Variants in POU6F2 observed in about 807,000 individuals in gnomAD.
POU6F2 encodes POU class 6 homeobox 2.
A neutral mutation model predicts 71.3 loss-of-function variants in POU6F2; 31 were observed. The ratio of observed to expected loss-of-function variants is 0.43; its 90% CI spans 0.33 to 0.59. The LOEUF is 0.59. Ranked by LOEUF, POU6F2 falls within the 20% of genes least tolerant of loss-of-function variation. The pLI is 0.04. For missense variants in POU6F2, 783 were observed against 856.8 expected (o/e 0.91, Z 1.07); for synonymous variants, 347 against 355.7 (o/e 0.98, Z 0.27).
intron 2 of POU6F2, among the ~76,000 whole-genome samples, chr7:39,156,373 GTT>G (rs957704296): frequency 2.0e-5 from 3 of 152,038 alleles, no homozygotes; most frequent in African/African-American, 7.3e-5. Context: ...AATTTCACAT[GTT>G]TTTTTCCCTT....
intron 4 of POU6F2, among the ~76,000 whole-genome samples, chr7:39,279,187 G>C (rs138346772): frequency 1.3e-3 from 201 of 152,098 alleles, no homozygotes; most frequent in African/African-American, 4.4e-3. Flanking sequence ...CAGAACTTCT[G>C]ATCCCCACAA....
At chr7:39,124,607 T>C (rs953747937) in intron 2 of POU6F2, among the ~76,000 whole-genome samples, 2 of 152,338 alleles carry the variant, frequency 1.3e-5, no homozygotes, top group South Asian at 2.1e-4. Flanking sequence ...TAAACACTCA[T>C]ACTGAGCCCT....
chr7:39,273,209 C>T (rs1171778787), intron 4 of POU6F2, among the ~76,000 whole-genome samples: 1 of 152,196 alleles, frequency 6.6e-6, no homozygotes, highest in African/African-American at 2.4e-5. Context: ...CTACCCTCCC[C>T]CTTGCCTCCA....
chr7:39,223,040 C>T (rs1413998029), intron 4 of POU6F2, among the ~76,000 whole-genome samples: 3 of 152,174 alleles, frequency 2.0e-5, no homozygotes, highest in Admixed American at 2.0e-4. Flanking sequence ...TTCTCCACAT[C>T]CTTAACAACA....
intron 5 of POU6F2, among the ~76,000 whole-genome samples, chr7:39,404,040 A>G (rs547860060): frequency 1.4e-4 from 21 of 152,328 alleles, no homozygotes; most frequent in Admixed American, 7.8e-4. Context: ...CTGAGTTGGC[A>G]TTTGCTTCAT....
At chr7:39,108,193 G>A (rs1238586318) in intron 2 of POU6F2, among the ~76,000 whole-genome samples, 11 of 152,164 alleles carry the variant, frequency 7.2e-5, no homozygotes, top group African/African-American at 2.7e-4. Flanking sequence ...AGAGTGAAGG[G>A]ACTTGCATAG....
chr7:39,234,386 C>T (rs983225649), intron 4 of POU6F2, among the ~76,000 whole-genome samples: 1 of 152,100 alleles, frequency 6.6e-6, no homozygotes, highest in Non-Finnish European at 1.5e-5. Context: ...GACATGGTGC[C>T]TCCTGGTATT....
At chr7:39,448,271 A>C (rs1788571543) in intron 7 of POU6F2, among the ~76,000 whole-genome samples, 1 of 152,160 alleles carries the variant, frequency 6.6e-6, no homozygotes, top group Non-Finnish European at 1.5e-5. Flanking sequence ...TCAGCTTGCA[A>C]ATGATTCTAG....
intron 5 of POU6F2, among the ~76,000 whole-genome samples, chr7:39,359,518 T>C (rs1786330872): frequency 6.6e-6 from 1 of 152,224 alleles, no homozygotes; most frequent in African/African-American, 2.4e-5. Flanking sequence ...TCCTTCCTAA[T>C]TTATGGAAAT....
chr7:39,158,674 C>T (rs552835154), intron 2 of POU6F2, among the ~76,000 whole-genome samples: 23 of 152,252 alleles, frequency 1.5e-4, no homozygotes, highest in South Asian at 1.0e-3. Flanking sequence ...AGAGGAAATT[C>T]GCCTTTCCTC....
In POU6F2 at chr7:39,339,686, C is replaced by A; in HGVS notation, c.643C>A (p.Leu215Ile). ...CCAGCTCCAGCAGCTCCAGCTCCAG[C>A]TCCAGCAGCAGCAGCAGCAGCAGCA... ...NSQLQQLQLQ[L>I]QQQQQQQQQQ... is the part of the protein sequence containing the mutation. The change falls in exon 5 of 10, where the codon CTC (leucine) becomes ATC (isoleucine). Residue 215 changes from leucine to isoleucine, a missense_variant. Physicochemically the swap from Leu to Ile is conservative, Grantham distance 5. Around this residue, in one of 2 missense-constraint regions of POU6F2, gnomAD observed 572 missense variants for 572.9 expected, o/e 1.00. Transcript: ENST00000518318. The A allele has an allele frequency of 6.2e-7, 1 of 1,603,072 alleles. No individual in the cohort carries two copies. The highest frequency in any genetic ancestry group is 1.1e-5 in the South Asian group (1 of 90,416).
intron 2 of POU6F2, among the ~76,000 whole-genome samples, chr7:39,135,671 A>G (rs112114034): frequency 0.014 from 2,144 of 152,252 alleles, 51 homozygotes; most frequent in African/African-American, 0.048. Flanking sequence ...AAGAAAATAG[A>G]AACTAAGGTC....
intron 4 of POU6F2, among the ~76,000 whole-genome samples, chr7:39,227,093 TTTTCCCTG>T (rs1794474455): frequency 6.6e-6 from 1 of 152,230 alleles, no homozygotes; most frequent in Admixed American, 6.5e-5. Flanking sequence ...GTCTCTTTTC[TTTTCCCTG>T]CTTTCATCTC....
In POU6F2 at chr7:39,121,817, G is replaced by T. The variant is rs1309873446; in HGVS notation, c.277+35786G>T. On this transcript the variant is annotated intron_variant, in intron 2 of 9. Coordinates refer to ENST00000518318, the MANE Select transcript of POU6F2 (RefSeq NM_001370959.1). The stretch of plus-strand genomic sequence containing the variant: ...GGGTTCAAGCGATTCTCCTGCCTCA[G>T]CCTCTCTAGTAGCTGAGACTAGAGG... Among the ~76,000 whole-genome samples the T allele has an allele frequency of 3.3e-5, 5 of 152,146 alleles. No homozygotes were observed. In the East Asian group the frequency reaches 9.6e-4, roughly 29 times the overall value.
chr7:39,024,071 A>G (rs1005704677), intron 1 of POU6F2, among the ~76,000 whole-genome samples: 13 of 152,170 alleles, frequency 8.5e-5, no homozygotes, highest in African/African-American at 3.1e-4. Context: ...TGGGGATGGC[A>G]TTGAATCTAT....
At chr7:38,998,951 A>C (rs1788823341) in intron 1 of POU6F2, among the ~76,000 whole-genome samples, 1 of 151,578 alleles carries the variant, frequency 6.6e-6, no homozygotes, top group Admixed American at 6.6e-5. Context: ...GGCGTGAGCC[A>C]CTGCACCCAG....
rs899747465 is a variant in POU6F2, at chr7:39,177,430, A to T, written c.278-26805A>T. 7.2e-5 allele frequency among the ~76,000 whole-genome samples: 11 copies of T among 152,234 alleles called. No homozygotes were observed. The South Asian group carries it at 2.3e-3, about 31-fold the overall frequency. On this transcript the variant is annotated intron_variant, in intron 2 of 9. Coordinates refer to ENST00000518318, the MANE Select transcript of POU6F2 (RefSeq NM_001370959.1). ...GGCCATATGGGGGAGTGGAAGCTCA[A>T]ACGCACTAAATTGCCATCTCTGGGA...
At chr7:39,033,033 C>A (rs986628384) in intron 1 of POU6F2, among the ~76,000 whole-genome samples, 1 of 152,142 alleles carries the variant, frequency 6.6e-6, no homozygotes, top group East Asian at 1.9e-4. Context: ...GTGATAAAAC[C>A]GGTGTCTAAA....
At chr7:39,410,033 C>T (rs1033023950) in intron 6 of POU6F2, among the ~76,000 whole-genome samples, 1 of 152,194 alleles carries the variant, frequency 6.6e-6, no homozygotes, top group Non-Finnish European at 1.5e-5. Flanking sequence ...TGAATTTGAA[C>T]AGAAATACTG....
Sources: gnomAD v4.1 joint callset for allele counts (sites outside exome capture counted in the v4.1 genomes callset) on GRCh38, gnomAD v4.1.1 for gene constraint, gnomAD v4.1.1 regional missense constraint, MANE v1.5 for transcripts, NCBI Gene and HGNC (gene_info 2026-07-23, HGNC 2026-07-21) for gene names.